LARGE1: variants seen among roughly 807,000 people sequenced by gnomAD.
LARGE1 encodes LARGE xylosyl- and glucuronyltransferase 1.
A neutral mutation model predicts 87.6 loss-of-function variants in LARGE1; 43 were observed. The ratio of observed to expected loss-of-function variants is 0.49; its 90% CI spans 0.38 to 0.63. The LOEUF (loss-of-function observed/expected upper bound fraction) is 0.63. LARGE1 is among the 30% of genes least tolerant of loss of function. The pLI is 0.00. For missense variants in LARGE1, 802 were observed against 1,000.2 expected (o/e 0.80, Z 2.67); for synonymous variants, 434 against 394.6 (o/e 1.10, Z -1.18).
chr22:33,857,429 C>T (rs558352142), intron 1 of LARGE1, among the ~76,000 whole-genome samples: 1 of 152,332 alleles, frequency 6.6e-6, no homozygotes. Context: ...ACGATGCAAT[C>T]AGAAAAAGGC....
chr22:33,482,474 A>G (rs2069370098), intron 6 of LARGE1, among the ~76,000 whole-genome samples: 1 of 152,162 alleles, frequency 6.6e-6, no homozygotes, highest in Admixed American at 6.5e-5. Flanking sequence ...TGGATTTGGA[A>G]AACTACTTCC....
the LARGE1 span, among the ~76,000 whole-genome samples, chr22:33,104,885 CTCTCTCTTTCTTTCTTTCTTTCTT>C: frequency 3.4e-5 from 1 of 29,478 alleles, no homozygotes; most frequent in African/African-American, 6.0e-5. Context: ...AATAGACTTT[CTCTCTCTTTCTTTCTTTCTTTCTT>C]TCTTTCTTTC....
intron 1 of LARGE1, among the ~76,000 whole-genome samples, chr22:33,843,416 G>A (rs999670636): frequency 3.4e-5 from 5 of 146,102 alleles, no homozygotes; most frequent in African/African-American, 5.1e-5. Flanking sequence ...TAGCCTGAGG[G>A]ATAGAGCAAG....
At position 33,385,183 on chromosome 22, in the gene LARGE1, T is replaced by C. The variant is rs576176832; in HGVS notation, c.893-879A>G. 3.4e-5 allele frequency among the ~76,000 whole-genome samples: 5 copies of C among 148,436 alleles called. 1 individual carries two copies. The highest frequency in any genetic ancestry group is 6.7e-5 in the Admixed American group (1 of 14,906). ...TTTCTGCGGAAGGGACCTGGGTGAA[T>C]GGAGGGTTGTTTAGGGAGGGAAACT... On this transcript the variant is annotated intron_variant, in intron 7 of 14. Coordinates refer to ENST00000397394, the MANE Select transcript of LARGE1 (RefSeq NM_133642.5).
intron 1 of LARGE1, among the ~76,000 whole-genome samples, chr22:33,852,916 A>G (rs2063651476): frequency 6.6e-6 from 1 of 151,220 alleles, no homozygotes; most frequent in African/African-American, 2.4e-5. Context: ...AAGTGCTATG[A>G]AAATAAAGAA....
intron 6 of LARGE1, among the ~76,000 whole-genome samples, chr22:33,515,065 C>T (rs973512150): frequency 2.6e-5 from 4 of 151,346 alleles, no homozygotes; most frequent in African/African-American, 9.7e-5. Context: ...TGTTCAAGTT[C>T]TCAGAAAACA....
At chr22:33,270,583 C>T (rs1928190172), downstream of LARGE1, among the ~76,000 whole-genome samples, 1 of 152,116 alleles carries the variant, frequency 6.6e-6, no homozygotes, top group Non-Finnish European at 1.5e-5. Flanking sequence ...TATAACATAG[C>T]TGTGAGGATC....
intron 2 of LARGE1, among the ~76,000 whole-genome samples, chr22:33,656,679 T>A (rs942937044): frequency 1.3e-5 from 2 of 152,210 alleles, no homozygotes. Context: ...ATGAACATGA[T>A]GTATCGTTCT....
chr22:33,743,473 C>T (rs2083965626), intron 2 of LARGE1, among the ~76,000 whole-genome samples: 1 of 152,098 alleles, frequency 6.6e-6, no homozygotes, highest in Non-Finnish European at 1.5e-5. Context: ...CCAAACATCA[C>T]CAAGGCCTAA....
intron 10 of LARGE1, among the ~76,000 whole-genome samples, chr22:33,325,440 A>G (rs1569057596): frequency 6.6e-6 from 1 of 152,258 alleles, no homozygotes; most frequent in Non-Finnish European, 1.5e-5. Flanking sequence ...CAGCCAGAGC[A>G]AGAGAATCCT....
intron 6 of LARGE1, among the ~76,000 whole-genome samples, chr22:33,563,845 T>G (rs16992532): frequency 0.013 from 1,949 of 152,122 alleles, 42 homozygotes; most frequent in African/African-American, 0.044. Context: ...CATGATTTGG[T>G]GAAGACTTTC....
chr22:33,484,910 GGT>G (rs1491536927), intron 6 of LARGE1, among the ~76,000 whole-genome samples: 3 of 145,560 alleles, frequency 2.1e-5, no homozygotes, highest in Non-Finnish European at 4.5e-5. Context: ...ATAATGAGGT[GGT>G]TTTTTTTTTT....
chr22:33,794,285 C>T (rs1002407904), intron 1 of LARGE1, among the ~76,000 whole-genome samples: 3 of 152,166 alleles, frequency 2.0e-5, no homozygotes, highest in Admixed American at 6.5e-5. Context: ...TGATTCTTCT[C>T]AGGAGGGAGG....
intron 11 of LARGE1, among the ~76,000 whole-genome samples, chr22:33,195,288 A>C (rs1160568740): frequency 6.6e-6 from 1 of 152,198 alleles, no homozygotes; most frequent in Non-Finnish European, 1.5e-5. Context: ...CAACTGGTAA[A>C]ATGGTAAGCA....
intron 1 of LARGE1, among the ~76,000 whole-genome samples, chr22:33,875,218 A>G (rs2064426935): frequency 6.6e-6 from 1 of 152,184 alleles, no homozygotes; most frequent in African/African-American, 2.4e-5. Context: ...GTGCTATAAT[A>G]ATATGTATCT....
chr22:33,366,721 G>A (rs1022353771), intron 9 of LARGE1, among the ~76,000 whole-genome samples: 1 of 152,198 alleles, frequency 6.6e-6, no homozygotes, highest in African/African-American at 2.4e-5. Flanking sequence ...CTGTGGAACT[G>A]TGAGTCAATT....
In LARGE1 at chr22:33,910,095, C is replaced by T. The variant is rs544655656; in HGVS notation, c.-83+9900G>A. Among the ~76,000 whole-genome samples the T allele has an allele frequency of 3.5e-4, 54 of 152,296 alleles. 1 individual carries two copies. The South Asian group carries it at 0.011, about 32-fold the overall frequency. On this transcript the variant is annotated intron_variant, in intron 1 of 14. Coordinates refer to ENST00000397394, the MANE Select transcript of LARGE1 (RefSeq NM_133642.5). ...CACACATCCATTCACTACACTGCTA[C>T]CTCCTTTCTATTGTTGCTCGTAACT...
chr22:33,539,129 A>C (rs1277874180), intron 6 of LARGE1, among the ~76,000 whole-genome samples: 1 of 152,194 alleles, frequency 6.6e-6, no homozygotes, highest in Non-Finnish European at 1.5e-5. Flanking sequence ...ACATACACAC[A>C]TATGTCTTTT....
intron 10 of LARGE1, 138 bp downstream of exon 10, chr22:33,337,507 TG>T: frequency 1.1e-6 from 1 of 940,278 alleles, no homozygotes; most frequent in Non-Finnish European, 1.7e-6. Context: ...CCCGACTAGA[TG>T]GTGGACCCTG....
Sources: allele counts gnomAD v4.1 joint callset (sites outside exome capture counted in the v4.1 genomes callset), GRCh38; gene constraint gnomAD v4.1.1; transcripts MANE v1.5; gene names NCBI Gene and HGNC (gene_info 2026-07-23, HGNC 2026-07-21).